The following YY1AP1 variants were observed in gnomAD, a reference collection of about 807,000 sequenced individuals.
YY1AP1 encodes YY1 associated protein 1.
In YY1AP1, 43 loss-of-function variants were observed where a neutral mutation model predicts 39.9. The ratio of observed to expected loss-of-function variants is 1.08; its 90% confidence interval spans 0.84 to 1.39. YY1AP1 has a LOEUF of 1.39. Ranked by LOEUF, YY1AP1 falls within the 40% of genes most tolerant of loss-of-function variation. The pLI is 0.00. For synonymous variants in YY1AP1, 292 were observed against 331.3 expected (o/e 0.88, Z 1.29); for missense variants, 813 against 900.7 (o/e 0.90, Z 1.25).
chr1:155,660,109 G>A lies in YY1AP1; in HGVS notation c.1801C>T (p.Pro601Ser), dbSNP rs1397743011. 1 of 1,614,212 alleles carries A rather than the reference G, an allele frequency of 6.2e-7. No homozygotes were observed. The highest frequency in any genetic ancestry group is 1.1e-5 in the South Asian group (1 of 91,088). Residue 601 changes from proline to serine, a missense_variant, in exon 11 of 11, where the codon CCC becomes TCC. This residue lies in a region of YY1AP1 where 586 missense variants were observed against 647.4 expected (regional missense o/e 0.91). Coordinates refer to ENST00000355499, the MANE Select transcript of YY1AP1 (RefSeq NM_139119.3). ...ACAAGGGGCTGGTTCAATGGACAGG[G>A]GAAGGAAGTAGGGTTAACCAAGAGG... ...ATLLVNPTSFPCPLNQPLVAS... is the reference protein window; with the variant it reads ...ATLLVNPTSFSCPLNQPLVAS...
chr1:155,684,949 G>T (rs1386373876), intron 2 of YY1AP1, among the ~76,000 whole-genome samples: 4 of 152,142 alleles, frequency 2.6e-5, no homozygotes, highest in Non-Finnish European at 5.9e-5. Flanking sequence ...TTAATGGGTA[G>T]TCTGTCAAAT....
intron 8 of YY1AP1, 56 bp downstream of exon 8, chr1:155,670,264 T>G: frequency 6.2e-7 from 1 of 1,610,072 alleles, no homozygotes; most frequent in South Asian, 1.1e-5. Flanking sequence ...CCTAAACTCC[T>G]CAAAGGAACT....
chr1:155,678,768 C>T (rs913110542), intron 4 of YY1AP1, among the ~76,000 whole-genome samples: 1 of 152,204 alleles, frequency 6.6e-6, no homozygotes, highest in African/African-American at 2.4e-5. Context: ...ATTACAGGGA[C>T]TATTCTCTTT....
chr1:155,661,635 C>G (rs1648167738), intron 9 of YY1AP1, among the ~76,000 whole-genome samples: 1 of 152,118 alleles, frequency 6.6e-6, no homozygotes, highest in African/African-American at 2.4e-5. Flanking sequence ...AAACTAATCT[C>G]TATTTAAAGA....
At position 155,681,735 on chromosome 1, in the gene YY1AP1, A is replaced by G. The variant is rs187166583; in HGVS notation, c.-20-1279T>C. ...AAATCTGTAGATGATGTAAAGCTGT[A>G]AAGCTGAAAGGGACTGCCAATCCAA... On this transcript the variant is annotated intron_variant, in intron 2 of 10. Transcript: ENST00000355499. Among the ~76,000 whole-genome samples the G allele has an allele frequency of 2.0e-4, 31 of 152,384 alleles. No individual in the cohort carries two copies. In the East Asian group the frequency reaches 5.2e-3, roughly 26 times the overall value.
chr1:155,683,086 C>CAA (rs1013979922), intron 2 of YY1AP1, among the ~76,000 whole-genome samples: 12 of 137,606 alleles, frequency 8.7e-5, no homozygotes, highest in Admixed American at 6.6e-4. Flanking sequence ...AACTCCATCT[C>CAA]AAAAAAAAAA....
intron 7 of YY1AP1, 54 bp from the exon 8 acceptor site, chr1:155,670,518 A>C (rs1242283542): frequency 4.5e-5 from 72 of 1,605,372 alleles, no homozygotes; most frequent in Non-Finnish European, 6.1e-5. Flanking sequence ...AGAGGGCTTC[A>C]AAAAGCCTGT....
rs1367341140 is a variant in YY1AP1, at chr1:155,660,593, T to C, written c.1317A>G (p.Ser439=). ...GCACCATTTTGCTCGGAGGGGCTTCTGAATGAGTTGATTGGGCTGGTGTTT... is the reference window on the plus strand; with the variant it reads ...GCACCATTTTGCTCGGAGGGGCTTCCGAATGAGTTGATTGGGCTGGTGTTT... ...PGKTPAQSTH[S]EAPPSKMVLR... is the part of the protein sequence containing the mutation. The change falls in exon 11 of 11, where the codon TCA becomes TCG. Residue 439 remains serine (S), a synonymous_variant. Transcript: ENST00000355499. 4.3e-6 allele frequency: 7 copies of C among 1,614,188 alleles called. No individual in the cohort carries two copies. Among genetic ancestry groups the C allele is most frequent in the Non-Finnish European group, 4.2e-6 (5 of 1,180,030 alleles).
intron 9 of YY1AP1, among the ~76,000 whole-genome samples, chr1:155,662,870 G>A (rs1648376030): frequency 6.6e-6 from 1 of 151,996 alleles, no homozygotes; most frequent in Non-Finnish European, 1.5e-5. Context: ...TGGGTGTGGT[G>A]GTGCACGCCT....
Position 155,679,680 on chromosome 1 carries a change from A to T in YY1AP1, c.22-168T>A, listed in dbSNP as rs576675663. On this transcript the variant is annotated intron_variant, in intron 3 of 10. Transcript: ENST00000355499. Reference sequence around the variant, plus strand: ...CTTCAGGACTCCTACAAACCCACATATGGAATGACTATTATGCCAGGAAAG... The same window carrying T: ...CTTCAGGACTCCTACAAACCCACATTTGGAATGACTATTATGCCAGGAAAG... 5.4e-5 allele frequency: 53 copies of T among 985,438 alleles called. No homozygotes were observed. The South Asian group carries it at 2.3e-3, about 42-fold the overall frequency. The allele number at this position is 985,438 out of a possible 1,614,324, so 61.0% of individuals were successfully genotyped here. A position where few individuals can be genotyped will look rare whatever the true frequency, so the allele number is the denominator to read the frequency against.
intron 9 of YY1AP1, among the ~76,000 whole-genome samples, chr1:155,667,483 G>A (rs986746449): frequency 2.0e-5 from 3 of 150,816 alleles, no homozygotes; most frequent in African/African-American, 7.3e-5. Context: ...GGATGACAGA[G>A]TGAGAACCTG....
At chr1:155,682,452 T>C (rs142272304) in intron 2 of YY1AP1, among the ~76,000 whole-genome samples, 7 of 152,236 alleles carry the variant, frequency 4.6e-5, no homozygotes, top group Admixed American at 2.0e-4. Flanking sequence ...CTACATACTC[T>C]ACATGTCAGA....
At chr1:155,688,311 A>C (rs752717805) in intron 1 of YY1AP1, 110 bp from the exon 2 acceptor site, 3 of 1,562,868 alleles carry the variant, frequency 1.9e-6, no homozygotes, top group Non-Finnish European at 2.6e-6. Flanking sequence ...CGCAAAGCGA[A>C]CCCAAAATGG....
At chr1:155,672,317 T>C (rs1649984940) in intron 7 of YY1AP1, 2 of 580,234 alleles carry the variant, frequency 3.4e-6, no homozygotes, top group Non-Finnish European at 6.2e-6. Context: ...GCCTCAGATC[T>C]CTACCTCCCA....
chr1:155,669,286 C>T (rs1477421432), intron 8 of YY1AP1, among the ~76,000 whole-genome samples: 2 of 152,118 alleles, frequency 1.3e-5, no homozygotes, highest in Admixed American at 1.3e-4. Flanking sequence ...GATCCTCCTG[C>T]CTCGGCCTCC....
chr1:155,682,242 T>G (rs1395667881), intron 2 of YY1AP1, among the ~76,000 whole-genome samples: 1 of 152,172 alleles, frequency 6.6e-6, no homozygotes, highest in Admixed American at 6.5e-5. Flanking sequence ...TCTCATTTTT[T>G]TTTAATTTTT....
chr1:155,680,467 G>C lies in YY1AP1; in HGVS notation c.-20-11C>G. 6.2e-7 allele frequency: 1 copy of C among 1,612,168 alleles called. No homozygotes were observed. Among genetic ancestry groups the C allele is most frequent in the Non-Finnish European group, 8.5e-7 (1 of 1,178,550 alleles). ...CATTTGCTTCCTTTTCTGCAAAAAA[G>C]CCAAACGTTGTTGGTATAAATTAGA... On this transcript the variant is annotated splice_polypyrimidine_tract_variant and intron_variant, in intron 2 of 10. Coordinates refer to ENST00000355499, the MANE Select transcript of YY1AP1 (RefSeq NM_139119.3).
At chr1:155,688,966 T>G (rs756523686), upstream of YY1AP1, 1 of 1,609,378 alleles carries the variant, frequency 6.2e-7, no homozygotes, top group South Asian at 1.1e-5. Flanking sequence ...GCGGCTCGCC[T>G]CCTCCTCCAT....
In YY1AP1 at chr1:155,672,651, G is replaced by C; in HGVS notation, c.492C>G (p.Pro164=). 1 of 1,614,036 alleles carries C rather than the reference G, an allele frequency of 6.2e-7. No homozygotes were observed. The highest frequency in any genetic ancestry group is 8.5e-7 in the Non-Finnish European group (1 of 1,179,908). ...GCTGCATAGCTCCCATCAAGTTACA[G>C]GGTTGGAACAGGGTCTGAAACTTGG... The part of the protein sequence containing the change: ...YNPKFQTLFQ[P]CNLMGAMQLI... The change falls in exon 7 of 11, where the codon CCC becomes CCG. Residue 164 remains proline, a synonymous_variant. Transcript: ENST00000355499.
Sources: allele counts gnomAD v4.1 joint callset (sites outside exome capture counted in the v4.1 genomes callset), GRCh38; gene constraint gnomAD v4.1.1; regional missense constraint gnomAD v4.1.1; transcripts MANE v1.5; gene names NCBI Gene and HGNC (gene_info 2026-07-23, HGNC 2026-07-21).